Variants in ANO4 observed in about 807,000 individuals in gnomAD.
ANO4 encodes the protein anoctamin 4.
Under a neutral mutation model 141.9 loss-of-function variants are expected in ANO4, and 69 were observed. That is an observed-to-expected ratio of 0.49 (90% CI 0.40 to 0.59). The LOEUF (loss-of-function observed/expected upper bound fraction) is 0.59. ANO4 is among the 20% of genes least tolerant of loss of function. The pLI, the probability that ANO4 is intolerant of heterozygous loss-of-function variation, is 0.00. For missense variants in ANO4, 894 were observed against 1,162.2 expected (o/e 0.77, Z 3.36); for synonymous variants, 350 against 394.3 (o/e 0.89, Z 1.33).
chr12:100,897,878 C>A (rs2040419121), intron 1 of ANO4, among the ~76,000 whole-genome samples: 1 of 152,218 alleles, frequency 6.6e-6, no homozygotes, highest in Admixed American at 6.5e-5. Context: ...GGCCAAAGGA[C>A]TCTCAACATT....
chr12:100,733,807 C>T (rs2031495164), exon 2 of ANO4: 1 of 702,112 alleles, frequency 1.4e-6, no homozygotes, highest in Admixed American at 2.0e-5. Context: ...TATAACCTTT[C>T]CTCTGCAACG....
At chr12:100,831,999 A>G (rs758565030) in intron 1 of ANO4, among the ~76,000 whole-genome samples, 2 of 152,078 alleles carry the variant, frequency 1.3e-5, no homozygotes, top group African/African-American at 2.4e-5. Flanking sequence ...CCATATTACA[A>G]ATGATTCCAT....
At chr12:100,840,453 G>A (rs1806363903) in intron 1 of ANO4, among the ~76,000 whole-genome samples, 1 of 152,092 alleles carries the variant, frequency 6.6e-6, no homozygotes, top group Non-Finnish European at 1.5e-5. Context: ...TTTACGGTTG[G>A]GGAAACTGAG....
At chr12:100,963,301 A>G (rs2136241029) in intron 5 of ANO4, among the ~76,000 whole-genome samples, 1 of 152,344 alleles carries the variant, frequency 6.6e-6, no homozygotes, top group East Asian at 1.9e-4. Flanking sequence ...GAATGAGACT[A>G]GAGCCTGGAT....
intron 1 of ANO4, among the ~76,000 whole-genome samples, chr12:100,808,980 A>G (rs1293075680): frequency 2.0e-5 from 3 of 152,226 alleles, no homozygotes; most frequent in Non-Finnish European, 4.4e-5. Context: ...TTAGCTTAGT[A>G]AGCACTTAAT....
At chr12:100,999,973 A>G (rs11612021) in intron 8 of ANO4, among the ~76,000 whole-genome samples, 30,487 of 150,412 alleles carry the variant, frequency 0.2, 3,320 homozygotes, top group Non-Finnish European at 0.24. Flanking sequence ...CACTTGGACC[A>G]GGGAGGCAGA....
rs35222532 is a variant in ANO4 at position 100,867,612 on chromosome 12, T to TCA, written c.-140-34012_-140-34011dup. On this transcript the variant is annotated intron_variant, in intron 1 of 27. Coordinates refer to ENST00000392977, the MANE Select transcript of ANO4 (RefSeq NM_001286615.2). Reference sequence around the variant, plus strand: ...AACTCTCTCTCTGTCTCTCTCTCTCTCACACACACACACACACACACACTC... The same window carrying TCA: ...AACTCTCTCTCTGTCTCTCTCTCTCTCACACACACACACACACACACACACTC... Among the ~76,000 whole-genome samples the TCA allele has an allele frequency of 9.5e-3, 1,423 of 149,960 alleles. 22 individuals are homozygous for TCA. The highest frequency in any genetic ancestry group is 0.031 in the African/African-American group (1,248 of 40,898).
intron 3 of ANO4, among the ~76,000 whole-genome samples, chr12:100,758,592 T>C (rs1481303517): frequency 6.6e-6 from 1 of 152,170 alleles, no homozygotes; most frequent in East Asian, 1.9e-4. Flanking sequence ...TCTAAAGAAT[T>C]GACAGTGTGC....
At chr12:100,768,982 C>T (rs1385167513) in intron 3 of ANO4, among the ~76,000 whole-genome samples, 1 of 152,120 alleles carries the variant, frequency 6.6e-6, no homozygotes, top group Non-Finnish European at 1.5e-5. Flanking sequence ...GTGATAGCAT[C>T]TAACATGTGA....
At chr12:100,887,694 GAGAAAGCTCTTGACAAAT>G (rs2039905560) in intron 1 of ANO4, among the ~76,000 whole-genome samples, 1 of 152,208 alleles carries the variant, frequency 6.6e-6, no homozygotes, top group East Asian at 1.9e-4. Context: ...GTTTGGCACA[GAGAAAGCTCTTGACAAAT>G]ATTTATTAAA....
At chr12:100,996,617 G>A (rs1269414915) in intron 8 of ANO4, among the ~76,000 whole-genome samples, 1 of 152,148 alleles carries the variant, frequency 6.6e-6, no homozygotes. Flanking sequence ...CCTGGGAGGC[G>A]GAGGTTGCAG....
intron 10 of ANO4, chr12:101,038,519 G>A (rs540050286): frequency 1.3e-5 from 2 of 152,302 alleles, no homozygotes; most frequent in South Asian, 4.1e-4. Context: ...TGTATTCTAT[G>A]AGAAGTTCCA....
At chr12:100,881,139 TG>T (rs979442923) in intron 1 of ANO4, among the ~76,000 whole-genome samples, 4 of 63,904 alleles carry the variant, frequency 6.3e-5, no homozygotes, top group South Asian at 5.2e-4. Flanking sequence ...TGTTTTGGGG[TG>T]GGGGGAGGCG....
intron 2 of ANO4, among the ~76,000 whole-genome samples, chr12:100,914,218 T>A (rs183872924): frequency 6.6e-6 from 1 of 152,200 alleles, no homozygotes; most frequent in Non-Finnish European, 1.5e-5. Context: ...CTGGAAAACA[T>A]AGAAGCAATT....
At chr12:101,086,418 C>T (rs2049502373) in intron 16 of ANO4, among the ~76,000 whole-genome samples, 2 of 152,024 alleles carry the variant, frequency 1.3e-5, no homozygotes, top group Admixed American at 6.6e-5. Context: ...AAAGTGTTGT[C>T]CCATAGCTTA....
intron 8 of ANO4, among the ~76,000 whole-genome samples, chr12:101,013,164 G>A (rs542012064): frequency 6.6e-6 from 1 of 152,248 alleles, no homozygotes; most frequent in South Asian, 2.1e-4. Flanking sequence ...TCCTTTATAA[G>A]GGTCCAGATC....
At chr12:100,964,392 A>G (rs1356152560) in intron 5 of ANO4, among the ~76,000 whole-genome samples, 2 of 152,154 alleles carry the variant, frequency 1.3e-5, no homozygotes, top group East Asian at 1.9e-4. Flanking sequence ...AAAGCTTTGA[A>G]ACACCACCTA....
chr12:100,802,052 C>G (rs1359351809), intron 1 of ANO4, among the ~76,000 whole-genome samples: 1 of 152,074 alleles, frequency 6.6e-6, no homozygotes, highest in Non-Finnish European at 1.5e-5. Flanking sequence ...AAAGTCATCA[C>G]AAGGAAGTGA....
At chr12:100,979,976 G>A (rs1438096544) in intron 7 of ANO4, among the ~76,000 whole-genome samples, 1 of 149,004 alleles carries the variant, frequency 6.7e-6, no homozygotes, top group African/African-American at 2.5e-5. Flanking sequence ...TCTTGACCTC[G>A]TGATCCTCCC....
Sources: allele counts gnomAD v4.1 joint callset (sites outside exome capture counted in the v4.1 genomes callset), GRCh38; gene constraint gnomAD v4.1.1; transcripts MANE v1.5; gene names NCBI Gene and HGNC (gene_info 2026-07-23, HGNC 2026-07-21).